Variants in RNF150 observed in about 807,000 individuals in gnomAD.
RNF150 encodes ring finger protein 150.
RNF150 carries 24 observed loss-of-function variants against 39.3 expected under a neutral mutation model. That is an observed-to-expected ratio of 0.61 (90% CI 0.44 to 0.86). The LOEUF (loss-of-function observed/expected upper bound fraction) is 0.86. RNF150 is among the 40% of genes least tolerant of loss of function. The pLI is 0.00. For missense variants in RNF150, 502 were observed against 587.8 expected (o/e 0.85, Z 1.51); for synonymous variants, 255 against 227.3 (o/e 1.12, Z -1.10).
chr4:141,053,333 T>G (rs1286325921), intron 1 of RNF150, among the ~76,000 whole-genome samples: 1 of 152,148 alleles, frequency 6.6e-6, no homozygotes, highest in Non-Finnish European at 1.5e-5. Context: ...AGGGTAAATG[T>G]ATATTAAACC....
At chr4:140,898,455 A>G (rs1253536782) in intron 6 of RNF150, among the ~76,000 whole-genome samples, 4 of 152,246 alleles carry the variant, frequency 2.6e-5, no homozygotes, top group South Asian at 2.1e-4. Flanking sequence ...GCGTGCAGTC[A>G]TGCATTTATG....
At chr4:140,949,793 G>A (rs567086080) in intron 2 of RNF150, among the ~76,000 whole-genome samples, 27 of 152,224 alleles carry the variant, frequency 1.8e-4, no homozygotes, top group African/African-American at 6.5e-4. Context: ...TTGACAATCA[G>A]GATTCATTGC....
intron 1 of RNF150, among the ~76,000 whole-genome samples, chr4:141,074,095 G>A (rs1737807447): frequency 6.6e-6 from 1 of 152,108 alleles, no homozygotes; most frequent in South Asian, 2.1e-4. Flanking sequence ...AGAATTTAAT[G>A]TAATTATGAA....
At chr4:140,933,781 C>A (rs556105800) in intron 4 of RNF150, among the ~76,000 whole-genome samples, 1 of 152,108 alleles carries the variant, frequency 6.6e-6, no homozygotes, top group Non-Finnish European at 1.5e-5. Flanking sequence ...CTATACTTTT[C>A]CATCTTTCTA....
At chr4:140,968,735 A>G (rs916199415) in intron 1 of RNF150, among the ~76,000 whole-genome samples, 6 of 151,818 alleles carry the variant, frequency 4.0e-5, no homozygotes, top group African/African-American at 1.5e-4. Flanking sequence ...TATATGGGTC[A>G]TTGTCCTTAC....
At chr4:140,876,813 A>G (rs980753118) in intron 6 of RNF150, among the ~76,000 whole-genome samples, 6 of 152,250 alleles carry the variant, frequency 3.9e-5, no homozygotes, top group Non-Finnish European at 7.3e-5. Context: ...ACTCAGCCAC[A>G]TTTGGAAACC....
At chr4:141,015,309 G>A (rs1380117381) in intron 1 of RNF150, among the ~76,000 whole-genome samples, 2 of 152,116 alleles carry the variant, frequency 1.3e-5, no homozygotes, top group Non-Finnish European at 2.9e-5. Flanking sequence ...TATCTTTTAT[G>A]ATTCCATATG....
intron 1 of RNF150, among the ~76,000 whole-genome samples, chr4:141,041,357 T>G (rs1439223960): frequency 6.6e-6 from 1 of 151,966 alleles, no homozygotes; most frequent in African/African-American, 2.4e-5. Context: ...AATGACCAAC[T>G]GGGGGTCAGA....
At chr4:141,131,471 G>C (rs990174112) in intron 1 of RNF150, among the ~76,000 whole-genome samples, 1 of 152,174 alleles carries the variant, frequency 6.6e-6, no homozygotes, top group African/African-American at 2.4e-5. Context: ...GCTTTTTTGG[G>C]GGGAGGGTGT....
intron 1 of RNF150, among the ~76,000 whole-genome samples, chr4:141,090,727 C>T (rs1373749444): frequency 6.6e-6 from 1 of 152,150 alleles, no homozygotes; most frequent in East Asian, 1.9e-4. Context: ...CTGGTGAATG[C>T]CTGCCCTATC....
intron 1 of RNF150, among the ~76,000 whole-genome samples, chr4:141,078,810 T>A (rs199899600): frequency 0.04 from 2,836 of 70,504 alleles, 136 homozygotes; most frequent in African/African-American, 0.11. Context: ...AAAAAAAAAA[T>A]ATATATATAT....
chr4:140,960,943 G>A (rs1339183552), intron 2 of RNF150, among the ~76,000 whole-genome samples: 1 of 152,064 alleles, frequency 6.6e-6, no homozygotes, highest in Non-Finnish European at 1.5e-5. Flanking sequence ...CTCACATCAA[G>A]CCTACGGGGC....
At chr4:141,011,504 C>T (rs997813143) in intron 1 of RNF150, among the ~76,000 whole-genome samples, 9 of 152,182 alleles carry the variant, frequency 5.9e-5, no homozygotes, top group African/African-American at 2.2e-4. Context: ...ATATACCACC[C>T]TATATAGCTC....
chr4:141,047,157 C>T (rs902588214), intron 1 of RNF150, among the ~76,000 whole-genome samples: 6 of 151,924 alleles, frequency 3.9e-5, no homozygotes, highest in African/African-American at 1.2e-4. Flanking sequence ...TGTGTGTTTC[C>T]CTGCTTTAAT....
At chr4:141,007,277 G>T (rs980733237) in intron 1 of RNF150, among the ~76,000 whole-genome samples, 1 of 152,114 alleles carries the variant, frequency 6.6e-6, no homozygotes, top group African/African-American at 2.4e-5. Flanking sequence ...GGTGGTGAGG[G>T]TCTTCTGTAA....
At chr4:141,038,779 G>C (rs994711849) in intron 1 of RNF150, among the ~76,000 whole-genome samples, 5 of 152,180 alleles carry the variant, frequency 3.3e-5, no homozygotes, top group Admixed American at 6.6e-5. Context: ...CAGGGACAAT[G>C]ATCATAGAAG....
chr4:140,878,247 CTCA>C (rs1729243864), intron 6 of RNF150, among the ~76,000 whole-genome samples: 1 of 670 alleles, frequency 1.5e-3, no homozygotes, highest in Non-Finnish European at 4.2e-3. Flanking sequence ...GCTTACCTCA[CTCA>C]ACCTTTGCCT....
chr4:141,093,356 A>G (rs1349484325), intron 1 of RNF150, among the ~76,000 whole-genome samples: 2 of 132,888 alleles, frequency 1.5e-5, no homozygotes, highest in African/African-American at 6.0e-5. Context: ...ACAGAGCGAG[A>G]CTCCATCTCA....
intron 1 of RNF150, among the ~76,000 whole-genome samples, chr4:141,004,281 C>T (rs1279403974): frequency 1.3e-5 from 2 of 149,678 alleles, no homozygotes; most frequent in Non-Finnish European, 3.0e-5. Context: ...ACTGAGACAA[C>T]TAACAAGAAG....
Sources: allele counts gnomAD v4.1 joint callset (sites outside exome capture counted in the v4.1 genomes callset), GRCh38; gene constraint gnomAD v4.1.1; transcripts MANE v1.5; gene names NCBI Gene and HGNC (gene_info 2026-07-23, HGNC 2026-07-21).